DNM3: variants seen among roughly 807,000 people sequenced by gnomAD.
The protein encoded by DNM3 is dynamin-3.
A neutral mutation model predicts 101.6 loss-of-function variants in DNM3; 47 were observed. The ratio of observed to expected loss-of-function variants is 0.46; its 90% CI spans 0.37 to 0.59. The LOEUF is 0.59. DNM3 is among the 20% of genes least tolerant of loss of function. The pLI is 0.00. For synonymous variants in DNM3, 385 were observed against 387.9 expected (o/e 0.99, Z 0.09); for missense variants, 849 against 1,085.7 (o/e 0.78, Z 3.06).
chr1:171,876,061 G>A (rs1490927701), intron 1 of DNM3, among the ~76,000 whole-genome samples: 8 of 151,798 alleles, frequency 5.3e-5, no homozygotes, highest in Non-Finnish European at 4.4e-5. Flanking sequence ...CGCCCCCCTC[G>A]GCCTCGCAAA....
At chr1:172,284,722 G>A (rs2063630715) in intron 15 of DNM3, among the ~76,000 whole-genome samples, 1 of 152,068 alleles carries the variant, frequency 6.6e-6, no homozygotes, top group African/African-American at 2.4e-5. Context: ...AAACTTTCAG[G>A]TTGAAGATAT....
intron 14 of DNM3, among the ~76,000 whole-genome samples, chr1:172,147,561 T>A (rs986523979): frequency 2.0e-5 from 3 of 152,164 alleles, no homozygotes; most frequent in African/African-American, 7.2e-5. Context: ...TTCCCAATCT[T>A]GGCACATTTT....
chr1:171,907,569 T>G (rs2038938045), intron 1 of DNM3, among the ~76,000 whole-genome samples: 1 of 152,104 alleles, frequency 6.6e-6, no homozygotes, highest in Non-Finnish European at 1.5e-5. Flanking sequence ...CCATTTCACA[T>G]GGAGAAAATA....
At chr1:172,140,147 G>A (rs2057490867) in intron 14 of DNM3, 1 of 151,928 alleles carries the variant, frequency 6.6e-6, no homozygotes, top group East Asian at 1.9e-4. Flanking sequence ...AAGCAAAATA[G>A]TTTTAGATAC....
intron 1 of DNM3, among the ~76,000 whole-genome samples, chr1:171,907,218 G>A (rs1003239229): frequency 5.1e-4 from 77 of 152,160 alleles, no homozygotes; most frequent in African/African-American, 1.7e-3. Flanking sequence ...CAGGCCGGGC[G>A]CAGTGGCTCA....
At chr1:172,306,322 G>A (rs764086025) in intron 15 of DNM3, among the ~76,000 whole-genome samples, 2 of 152,134 alleles carry the variant, frequency 1.3e-5, no homozygotes, top group East Asian at 3.8e-4. Context: ...AGCTTACAAG[G>A]CATGTGAAGC....
At chr1:171,967,514 G>A (rs1227524478) in intron 2 of DNM3, among the ~76,000 whole-genome samples, 1 of 152,024 alleles carries the variant, frequency 6.6e-6, no homozygotes, top group Non-Finnish European at 1.5e-5. Flanking sequence ...GAAGAAGAGG[G>A]GGAGAGATTC....
chr1:172,044,520 C>A, intron 9 of DNM3, 68 bp downstream of exon 9: 1 of 1,324,466 alleles, frequency 7.6e-7, no homozygotes, highest in Non-Finnish European at 1.1e-6. Context: ...TTATAAATGG[C>A]TAGGAAACTC....
chr1:172,092,601 GGT>G (rs1466419944), intron 12 of DNM3, among the ~76,000 whole-genome samples: 6 of 152,162 alleles, frequency 3.9e-5, no homozygotes, highest in Admixed American at 3.9e-4. Flanking sequence ...TTCTTTAAGT[GGT>G]GTTATTATAT....
chr1:172,295,196 C>T (rs537079187), intron 15 of DNM3, among the ~76,000 whole-genome samples: 2 of 152,106 alleles, frequency 1.3e-5, no homozygotes, highest in African/African-American at 2.4e-5. Flanking sequence ...ACTTGAGAAA[C>T]GTGGGCACTG....
chr1:172,311,208 G>A (rs1273160134), intron 16 of DNM3: 1 of 151,890 alleles, frequency 6.6e-6, no homozygotes. Context: ...AACAGCTAGG[G>A]GAAGGTTGAA....
At chr1:171,938,704 A>T (rs974528988) in intron 2 of DNM3, among the ~76,000 whole-genome samples, 5 of 152,198 alleles carry the variant, frequency 3.3e-5, no homozygotes, top group Non-Finnish European at 7.3e-5. Context: ...ATGGAGAGAG[A>T]TGCAGATACA....
At chr1:172,075,611 A>G (rs1200569603) in intron 11 of DNM3, among the ~76,000 whole-genome samples, 1 of 152,150 alleles carries the variant, frequency 6.6e-6, no homozygotes, top group Non-Finnish European at 1.5e-5. Flanking sequence ...TTTGTCAAAG[A>G]TCAGCTGGTT....
intron 14 of DNM3, among the ~76,000 whole-genome samples, chr1:172,229,026 A>C (rs917698029): frequency 2.6e-5 from 4 of 152,166 alleles, no homozygotes; most frequent in Non-Finnish European, 5.9e-5. Flanking sequence ...TTTCTAAATA[A>C]CATCTTATCT....
chr1:172,155,689 G>A (rs773996902), intron 14 of DNM3, among the ~76,000 whole-genome samples: 9 of 151,970 alleles, frequency 5.9e-5, no homozygotes, highest in African/African-American at 9.7e-5. Flanking sequence ...TTTATCAGAC[G>A]CCTGTGATGT....
intron 11 of DNM3, 35 bp downstream of exon 11, chr1:172,068,940 T>A: frequency 6.5e-7 from 1 of 1,538,660 alleles, no homozygotes; most frequent in Non-Finnish European, 8.8e-7. Flanking sequence ...GCAGGGAGAT[T>A]GTGGGAGGTC....
intron 17 of DNM3, among the ~76,000 whole-genome samples, chr1:172,348,433 G>A (rs1214967022): frequency 1.3e-5 from 2 of 152,140 alleles, no homozygotes; most frequent in East Asian, 3.9e-4. Flanking sequence ...CAAAGGAGTG[G>A]AATTAGACGG....
chr1:171,862,962 A>G (rs547760804), intron 1 of DNM3, among the ~76,000 whole-genome samples: 10 of 152,012 alleles, frequency 6.6e-5, no homozygotes, highest in African/African-American at 2.4e-4. Context: ...GGTTGAGAAA[A>G]TGAGAGGTGA....
At chr1:172,301,877 A>G (rs1333887434) in intron 15 of DNM3, among the ~76,000 whole-genome samples, 2 of 152,168 alleles carry the variant, frequency 1.3e-5, no homozygotes, top group Admixed American at 1.3e-4. Flanking sequence ...AATAGGTACA[A>G]TGAAAGGGTA....
Sources: gnomAD v4.1 joint callset for allele counts (sites outside exome capture counted in the v4.1 genomes callset) on GRCh38, gnomAD v4.1.1 for gene constraint, MANE v1.5 for transcripts, NCBI Gene and HGNC (gene_info 2026-07-23, HGNC 2026-07-21) for gene names.